FERMT3: variants seen among roughly 807,000 people sequenced by gnomAD.
FERMT3 encodes the protein fermitin family homolog 3.
A neutral mutation model predicts 80.8 loss-of-function variants in FERMT3; 33 were observed. That is an observed-to-expected ratio of 0.41 (90% CI 0.31 to 0.55). The LOEUF (loss-of-function observed/expected upper bound fraction) is 0.55. Among genes scored for constraint, FERMT3 ranks in the 20% least tolerant of loss-of-function variants. FERMT3 has a pLI of 0.31. For synonymous variants in FERMT3, 375 were observed against 372.2 expected, an observed-to-expected ratio of 1.01 and a Z score of -0.09; for missense variants, 754 against 908.7, an observed-to-expected ratio of 0.83 and a Z score of 2.19.
Position 64,219,555 on chromosome 11 carries a change from A to C in FERMT3, c.926A>C (p.Glu309Ala), listed in dbSNP as rs752131979. The C allele has an allele frequency of 3.1e-6, 5 of 1,611,178 alleles. No individual in the cohort carries two copies. The highest frequency in any genetic ancestry group is 4.2e-6 in the Non-Finnish European group (5 of 1,179,546). ...YHINKLSQSGEVGEPAGTDPG... is the reference protein window; with the variant it reads ...YHINKLSQSGAVGEPAGTDPG... ...ATCAACAAGCTGTCCCAGAGCGGGG[A>C]GGTGGGGGAGCCGGCTGGCACAGAC... Residue 309 changes from glutamate to alanine, a missense_variant, in exon 8 of 15, where the codon GAG (glutamate) becomes GCG (alanine). Transcript: ENST00000345728. The surrounding 1 kb of genome is among the most constrained non-coding windows in gnomAD (Gnocchi z 4.0).
chr11:64,222,044 G>A (rs1946696483), intron 13 of FERMT3, among the ~76,000 whole-genome samples: 2 of 151,944 alleles, frequency 1.3e-5, no homozygotes, highest in Admixed American at 1.3e-4. Context: ...TGTGAGACCA[G>A]CCTGACCAAC....
At position 64,216,079 on chromosome 11, in the gene FERMT3, G is replaced by A. The variant is rs11231724; in HGVS notation, c.787-3172G>A. ...ACTCCTGACCTCAAATGATCCGCCC[G>A]CCTCGGCCTCCCAAAGTGCTAGGAT... On this transcript the variant is annotated intron_variant, in intron 6 of 14. Coordinates refer to ENST00000345728, the MANE Select transcript of FERMT3 (RefSeq NM_031471.6). 7.7e-3 allele frequency among the ~76,000 whole-genome samples: 1,172 copies of A among 151,700 alleles called. 10 individuals carry two copies. Among genetic ancestry groups the A allele is most frequent in the Admixed American group, 0.012 (189 of 15,218 alleles).
intron 13 of FERMT3, among the ~76,000 whole-genome samples, chr11:64,222,584 A>AAG (rs1237083834): frequency 2.8e-5 from 4 of 144,158 alleles, no homozygotes; most frequent in Non-Finnish European, 4.6e-5. Flanking sequence ...AAAAAAAAAA[A>AAG]AGAGATTTCA....
intron 6 of FERMT3, among the ~76,000 whole-genome samples, chr11:64,215,775 C>T (rs890938944): frequency 6.6e-6 from 1 of 150,854 alleles, no homozygotes; most frequent in Admixed American, 6.6e-5. Flanking sequence ...AGTTTTGCTA[C>T]GTTGCCCAGA....
At chr11:64,214,503 G>T (rs571964062) in intron 6 of FERMT3, among the ~76,000 whole-genome samples, 1 of 151,058 alleles carries the variant, frequency 6.6e-6, no homozygotes, top group African/African-American at 2.4e-5. Context: ...CCACCACCAC[G>T]CCTGGCTAAT....
intron 13 of FERMT3, 36 bp from the exon 14 acceptor site, chr11:64,223,012 T>C: frequency 6.2e-7 from 1 of 1,612,604 alleles, no homozygotes; most frequent in Non-Finnish European, 8.5e-7. Context: ...CCATGCAGGG[T>C]GGAGCCCTGG....
At position 64,211,375 on chromosome 11, in the gene FERMT3, C is replaced by T. The variant is rs142774418; in HGVS notation, c.615C>T (p.Pro205=). Residue 205 remains proline, a synonymous_variant, in exon 5 of 15, where the codon CCC becomes CCT. Coordinates refer to ENST00000345728, the MANE Select transcript of FERMT3 (RefSeq NM_031471.6). The surrounding 1 kb of genome is among the most constrained non-coding windows in gnomAD (Gnocchi z 4.7). ...TGCTGAGCCGGCCCCAGCCGCCACC[C>T]GACCCCCTCCTGCTCCAGCGTCTGC... ...YHMLSRPQPP[P]DPLLLQRLPR... is the part of the protein sequence containing the mutation. The T allele has an allele frequency of 1.1e-3, 1,738 of 1,609,256 alleles. No individual in the cohort carries two copies. Among genetic ancestry groups the T allele is most frequent in the Non-Finnish European group, 1.4e-3 (1,640 of 1,178,594 alleles).
intron 2 of FERMT3, among the ~76,000 whole-genome samples, chr11:64,209,691 C>T (rs1040155538): frequency 3.3e-5 from 5 of 152,092 alleles, no homozygotes; most frequent in African/African-American, 7.2e-5. Flanking sequence ...TGGTGATGCC[C>T]GGCATGTGCA....
Position 64,223,599 on chromosome 11 carries a change from C to A in FERMT3, c.*107C>A. The A allele has an allele frequency of 7.5e-7, 1 of 1,338,822 alleles. No homozygotes were observed. The highest frequency in any genetic ancestry group is 1.0e-6 in the Non-Finnish European group (1 of 969,514). The allele number at this position is 1,338,822 out of a possible 1,614,324, so 82.9% of individuals were successfully genotyped here. On this transcript the variant is annotated 3_prime_UTR_variant, in exon 15 of 15. Coordinates refer to ENST00000345728, the MANE Select transcript of FERMT3 (RefSeq NM_031471.6). ...ACACCCGCTCCAGGCAGGCACCCAG[C>A]TGGGCATTTCACCTGCTGTCACTGA...
chr11:64,211,288 A>G lies in FERMT3; in HGVS notation c.528A>G (p.Ala176=). 1 of 1,613,154 alleles carries G rather than the reference A, an allele frequency of 6.2e-7. No homozygotes were observed. The highest frequency in any genetic ancestry group is 2.2e-5 in the East Asian group (1 of 44,846). The change falls in exon 5 of 15, where the codon GCA becomes GCG. Residue 176 remains alanine (A), a synonymous_variant. Coordinates refer to ENST00000345728, the MANE Select transcript of FERMT3 (RefSeq NM_031471.6). This position sits in a 1 kb window ranked among gnomAD's most constrained non-coding sequence, Gnocchi z 4.7. Reference sequence around the variant, plus strand: ...CCTGCACTCCAGGCGTGGCACCTGCACTGTTCCGGGGGATGCCAGCTCACT... The same window carrying G: ...CCTGCACTCCAGGCGTGGCACCTGCGCTGTTCCGGGGGATGCCAGCTCACT... The part of the protein sequence containing the change: ...KVVLAGGVAP[A]LFRGMPAHFS...
intron 13 of FERMT3, 135 bp downstream of exon 13, chr11:64,221,275 C>T (rs372192451): frequency 3.4e-6 from 3 of 876,220 alleles, no homozygotes; most frequent in East Asian, 2.6e-5. Context: ...TCTTTGTAAG[C>T]AGGCCTTACT....
In FERMT3 at chr11:64,211,071, G is replaced by A; in HGVS notation, c.414G>A (p.Glu138=). Reference sequence around the variant, plus strand: ...CCTCAGGCATCCGGCACCCCGAGGAGCTGTCCCTGCTCCGGGCTCCTGAGA... The same window carrying A: ...CCTCAGGCATCCGGCACCCCGAGGAACTGTCCCTGCTCCGGGCTCCTGAGA... ...CRLLSIRHPE[E]LSLLRAPEKK... is the part of the protein sequence containing the mutation. Residue 138 remains glutamate, a synonymous_variant, in exon 4 of 15, where the codon GAG becomes GAA. Transcript: ENST00000345728. This position sits in a 1 kb window ranked among gnomAD's most constrained non-coding sequence, Gnocchi z 4.7. 6.3e-7 allele frequency: 1 copy of A among 1,592,892 alleles called. No individual in the cohort carries two copies. The highest frequency in any genetic ancestry group is 8.5e-7 in the Non-Finnish European group (1 of 1,169,718).
chr11:64,207,817 GCTGAAGTCACATTGCTGAGGT>G (rs1308251965), intron 2 of FERMT3: 2 of 342,438 alleles, frequency 5.8e-6, no homozygotes, highest in East Asian at 1.2e-4. Flanking sequence ...CTGGGCCGAG[GCTGAAGTCACATTGCTGAGGT>G]CTGAGGGGGT....
At chr11:64,222,103 G>A (rs1345019575) in intron 13 of FERMT3, among the ~76,000 whole-genome samples, 1 of 151,542 alleles carries the variant, frequency 6.6e-6, no homozygotes, top group Non-Finnish European at 1.5e-5. Context: ...GCCGAGTGTG[G>A]TGGCAGGCGC....
Position 64,210,833 on chromosome 11 carries a change from G to T in FERMT3, c.383G>T (p.Cys128Phe). The T allele has an allele frequency of 6.2e-7, 1 of 1,612,180 alleles. No homozygotes were observed. The change falls in exon 3 of 15, where the codon TGC (cysteine) becomes TTC (phenylalanine). Residue 128 changes from cysteine (C) to phenylalanine (F), a missense_variant. Cys to Phe is a radical substitution (Grantham distance 205). Transcript: ENST00000345728. The surrounding 1 kb of genome is among the most constrained non-coding windows in gnomAD (Gnocchi z 4.3). ...QPLFQAVAAI[C>F]RLLSIRHPEE... The stretch of plus-strand genomic sequence containing the variant: ...CTCTTCCAGGCTGTGGCTGCCATCT[G>T]CCGCCTCCTCAGTAAGTTGCCCGGC...
chr11:64,219,669 G>T lies in FERMT3; in HGVS notation c.1029+11G>T. On this transcript the variant is annotated intron_variant, in intron 8 of 14. Transcript: ENST00000345728. This position sits in a 1 kb window ranked among gnomAD's most constrained non-coding sequence, Gnocchi z 4.0. ...CCCACAGATGTGCTGGTGAGGAGGG[G>T]CTCAGGGCAGGGGCTGGGCAGGGAG... The T allele has an allele frequency of 6.2e-7, 1 of 1,613,768 alleles. No individual in the cohort carries two copies. The highest frequency in any genetic ancestry group is 8.5e-7 in the Non-Finnish European group (1 of 1,179,980).
In FERMT3 at chr11:64,211,587, T is replaced by C. The variant is rs1591028470; in HGVS notation, c.684-58T>C. The C allele has an allele frequency of 2.3e-6, 3 of 1,300,460 alleles. No homozygotes were observed. Among genetic ancestry groups the C allele is most frequent in the Non-Finnish European group, 1.1e-6 (1 of 926,322 alleles). The allele number at this position is 1,300,460 out of a possible 1,614,324, so 80.6% of individuals were successfully genotyped here. A position where few individuals can be genotyped will look rare whatever the true frequency, so the allele number is the denominator to read the frequency against. On this transcript the variant is annotated intron_variant, in intron 5 of 14. Coordinates refer to ENST00000345728, the MANE Select transcript of FERMT3 (RefSeq NM_031471.6). The surrounding 1 kb of genome is among the most constrained non-coding windows in gnomAD (Gnocchi z 4.7). ...GCTTGTCCCCCCAGCCCAGCCCCCC[T>C]CCCCACCCCACGGCCGTACCTGGCG...
chr11:64,210,487 C>T lies in FERMT3; in HGVS notation c.161-124C>T. On this transcript the variant is annotated intron_variant, in intron 2 of 14. Transcript: ENST00000345728. This position sits in a 1 kb window ranked among gnomAD's most constrained non-coding sequence, Gnocchi z 4.3. ...TAGACCCCAGGCCCGCCCAGGCTGC[C>T]CCACTCTTGGCTTAGGCAGGGCAGG... 1.0e-6 allele frequency: 1 copy of T among 979,036 alleles called. No individual in the cohort carries two copies. Among genetic ancestry groups the T allele is most frequent in the Non-Finnish European group, 1.6e-6 (1 of 630,342 alleles). The allele number at this position is 979,036 out of a possible 1,614,324, so 60.6% of individuals were successfully genotyped here.
intron 6 of FERMT3, among the ~76,000 whole-genome samples, chr11:64,213,750 C>T (rs1208592164): frequency 4.4e-5 from 6 of 137,746 alleles, no homozygotes; most frequent in African/African-American, 1.6e-4. Context: ...TAGAGATGGA[C>T]GGGGTTTCTC....
Sources: allele counts gnomAD v4.1 joint callset (sites outside exome capture counted in the v4.1 genomes callset), GRCh38; gene constraint gnomAD v4.1.1; non-coding constraint Gnocchi (gnomAD v3.1); transcripts MANE v1.5; gene names NCBI Gene and HGNC (gene_info 2026-07-23, HGNC 2026-07-21).